Variants in LPP observed in about 807,000 individuals in gnomAD.
The protein encoded by LPP is lipoma-preferred partner.
In LPP, 38 loss-of-function variants were observed where a neutral mutation model predicts 60.4. The observed-to-expected ratio is 0.63, with a 90% CI of 0.49 to 0.83. The LOEUF is 0.83. Ranked by LOEUF, LPP falls within the 40% of genes least tolerant of loss-of-function variation. The pLI, the probability that LPP is intolerant of heterozygous loss-of-function variation, is 0.00. For missense variants in LPP, 902 were observed against 783.6 expected (o/e 1.15, Z -1.80); for synonymous variants, 328 against 290.8 (o/e 1.13, Z -1.30).
At chr3:188,522,941 T>C (rs1463133761) in intron 5 of LPP, among the ~76,000 whole-genome samples, 1 of 151,748 alleles carries the variant, frequency 6.6e-6, no homozygotes, top group African/African-American at 2.4e-5. Context: ...AGAGTCTCGC[T>C]CTGTCATGTA....
intron 5 of LPP, among the ~76,000 whole-genome samples, chr3:188,513,388 G>A (rs1816392656): frequency 2.0e-5 from 3 of 152,262 alleles, no homozygotes; most frequent in Admixed American, 2.0e-4. Flanking sequence ...GGATAAAGCA[G>A]CTCTGTCTGT....
chr3:188,191,816 G>C (rs1182472604), intron 1 of LPP, among the ~76,000 whole-genome samples: 1 of 152,184 alleles, frequency 6.6e-6, no homozygotes, highest in African/African-American at 2.4e-5. Context: ...TATCTGTTCT[G>C]TTCCCAAAAG....
chr3:188,465,815 A>G (rs1800240416), intron 4 of LPP, among the ~76,000 whole-genome samples: 1 of 151,952 alleles, frequency 6.6e-6, no homozygotes, highest in Non-Finnish European at 1.5e-5. Flanking sequence ...CCGTCTTGGT[A>G]ATTTGGTATT....
At chr3:188,236,272 A>G (rs1721896941) in intron 2 of LPP, among the ~76,000 whole-genome samples, 1 of 152,224 alleles carries the variant, frequency 6.6e-6, no homozygotes, top group Admixed American at 6.5e-5. Context: ...TAGGGAGGAC[A>G]CAAATGTAAA....
chr3:188,240,376 T>TGTGTGTGTGAGA (rs534393899), intron 2 of LPP, among the ~76,000 whole-genome samples: 8 of 143,232 alleles, frequency 5.6e-5, no homozygotes, highest in South Asian at 2.3e-4. Context: ...TGTGTGTGTG[T>TGTGTGTGTGAGA]GAGAGAGAGA....
intron 2 of LPP, among the ~76,000 whole-genome samples, chr3:188,275,627 T>C (rs1256882726): frequency 6.6e-6 from 1 of 152,210 alleles, no homozygotes; most frequent in Non-Finnish European, 1.5e-5. Context: ...TGGTCCAGTC[T>C]AACTGGGCAT....
intron 2 of LPP, among the ~76,000 whole-genome samples, chr3:188,325,201 G>A (rs1449468379): frequency 2.6e-5 from 4 of 152,094 alleles, no homozygotes; most frequent in South Asian, 2.1e-4. Context: ...GGCTGGTCTC[G>A]AACTCCTGAC....
chr3:188,377,315 T>C (rs1021042665), intron 3 of LPP, among the ~76,000 whole-genome samples: 5 of 152,346 alleles, frequency 3.3e-5, no homozygotes, highest in Admixed American at 3.3e-4. Context: ...CAACTTGGTT[T>C]CATTCTCCCC....
rs779536314 is a variant in LPP, at chr3:188,609,134, C to T, written c.430-27C>T. The T allele has an allele frequency of 1.3e-6, 2 of 1,514,522 alleles. No individual in the cohort carries two copies. Among genetic ancestry groups the T allele is most frequent in the Non-Finnish European group, 8.9e-7 (1 of 1,125,484 alleles). The allele number at this position is 1,514,522 out of a possible 1,614,324, so 93.8% of individuals were successfully genotyped here. A position where few individuals can be genotyped will look rare whatever the true frequency, so the allele number is the denominator to read the frequency against. ...GTTGGCAGTAATTTTTGCTTTCTTT[C>T]TTTCTTTTTTTTCCTATTCTTTTTA... On this transcript the variant is annotated intron_variant, in intron 6 of 11. Coordinates refer to ENST00000617246, the MANE Select transcript of LPP (RefSeq NM_001375462.1). This position sits in a 1 kb window ranked among gnomAD's most constrained non-coding sequence, Gnocchi z 6.9.
chr3:188,435,886 G>T (rs769775419), intron 4 of LPP, among the ~76,000 whole-genome samples: 22 of 152,074 alleles, frequency 1.4e-4, no homozygotes, highest in Admixed American at 5.2e-4. Context: ...CAGCTTTCCT[G>T]CTGTCCTAAA....
At chr3:188,279,028 C>G (rs930253193) in intron 2 of LPP, among the ~76,000 whole-genome samples, 4 of 152,198 alleles carry the variant, frequency 2.6e-5, no homozygotes, top group Non-Finnish European at 5.9e-5. Context: ...AATGTAAATG[C>G]ACAGGGAACG....
Position 188,237,099 on chromosome 3 carries a change from A to G in LPP, c.-67+11572A>G, listed in dbSNP as rs562754404. ...CTTTTTTTTTTGTTGTCATTCAACG[A>G]TGCTCACAGCATCTTCACCAGGGGT... On this transcript the variant is annotated intron_variant, in intron 2 of 11. Transcript: ENST00000617246. 1.2e-4 allele frequency among the ~76,000 whole-genome samples: 19 copies of G among 152,274 alleles called. No individual in the cohort carries two copies. In the South Asian group the frequency reaches 3.7e-3, roughly 30 times the overall value.
chr3:188,798,618 G>T (rs1375808247), intron 9 of LPP, among the ~76,000 whole-genome samples: 3 of 152,234 alleles, frequency 2.0e-5, no homozygotes, highest in Admixed American at 6.5e-5. Flanking sequence ...ACCTCTTATC[G>T]TATGGGGTAC....
chr3:188,708,873 T>C, intron 8 of LPP: 1 of 163,518 alleles, frequency 6.1e-6, no homozygotes, highest in Non-Finnish European at 1.3e-5. Flanking sequence ...ACCCTGTTTT[T>C]TTGTTTTTTG....
At chr3:188,731,586 G>A (rs994900702) in intron 8 of LPP, among the ~76,000 whole-genome samples, 6 of 136,394 alleles carry the variant, frequency 4.4e-5, no homozygotes, top group Admixed American at 1.5e-4. Flanking sequence ...GCAGTGGTGC[G>A]ATCTCGGCTC....
intron 2 of LPP, among the ~76,000 whole-genome samples, chr3:188,226,668 C>T (rs1272851800): frequency 6.6e-6 from 1 of 152,058 alleles, no homozygotes; most frequent in Non-Finnish European, 1.5e-5. Context: ...TGGCTGAGGC[C>T]AATTCATATA....
intron 6 of LPP, among the ~76,000 whole-genome samples, chr3:188,608,847 C>T (rs905549919): frequency 6.6e-6 from 1 of 152,094 alleles, no homozygotes; most frequent in African/African-American, 2.4e-5. Flanking sequence ...ATTTCTTTCA[C>T]CGATGTTTAA....
intron 6 of LPP, among the ~76,000 whole-genome samples, chr3:188,602,536 A>C (rs930143005): frequency 6.6e-6 from 1 of 151,976 alleles, no homozygotes; most frequent in African/African-American, 2.4e-5. Flanking sequence ...ACCTGATATG[A>C]ATCCCTAATA....
intron 9 of LPP, among the ~76,000 whole-genome samples, chr3:188,764,784 A>T (rs1205511287): frequency 6.6e-6 from 1 of 152,194 alleles, no homozygotes; most frequent in Non-Finnish European, 1.5e-5. Context: ...GCAGCCAAGG[A>T]TCCTCCCCCA....
Sources: gnomAD v4.1 joint callset for allele counts (sites outside exome capture counted in the v4.1 genomes callset) on GRCh38, gnomAD v4.1.1 for gene constraint, Gnocchi (gnomAD v3.1) non-coding constraint, MANE v1.5 for transcripts, NCBI Gene and HGNC (gene_info 2026-07-23, HGNC 2026-07-21) for gene names.